The following NPHP4 variants were observed in gnomAD, a reference collection of about 807,000 sequenced individuals.
NPHP4 encodes nephrocystin-4.
NPHP4 carries 151 observed loss-of-function variants against 155.8 expected under a neutral mutation model. That is an observed-to-expected ratio of 0.97 (90% CI 0.85 to 1.11). NPHP4 has a LOEUF of 1.11. Ranked by LOEUF, NPHP4 falls within the 50% of genes least tolerant of loss-of-function variation. The pLI, the probability that NPHP4 is intolerant of heterozygous loss-of-function variation, is 0.00. For missense variants in NPHP4, 1,956 were observed against 1,925.7 expected (o/e 1.02, Z -0.29); for synonymous variants, 845 against 816.8 (o/e 1.03, Z -0.59).
At position 5,952,778 on chromosome 1, in the gene NPHP4, T is replaced by C. The variant is rs759419872; in HGVS notation, c.732A>G (p.Leu244=). The C allele has an allele frequency of 2.5e-6, 4 of 1,588,518 alleles. No homozygotes were observed. In the African/African-American group the frequency reaches 4.0e-5, roughly 16 times the overall value. The change falls in exon 7 of 30, where the codon TTA becomes TTG. Residue 244 remains leucine (L), a synonymous_variant. Transcript: ENST00000378156. The part of the protein sequence containing the change: ...QKPITGHLDD[L]FFTLYPSLEK... ...CCAGGGAGGGGTACAGGGTGAAGAA[T>C]AAGTCATCCAAGTGCCCCGTGATGG...
intron 4 of NPHP4, among the ~76,000 whole-genome samples, chr1:5,967,861 C>T (rs1254520023): frequency 2.6e-5 from 4 of 152,014 alleles, no homozygotes; most frequent in Non-Finnish European, 5.9e-5. Flanking sequence ...ACGACAGCCC[C>T]GCGACAGCAA....
At chr1:5,872,056 A>C (rs533192935) in intron 23 of NPHP4, among the ~76,000 whole-genome samples, 5 of 152,376 alleles carry the variant, frequency 3.3e-5, no homozygotes, top group African/African-American at 1.2e-4. Context: ...TTATCTGACT[A>C]GTGCACAGCC....
At chr1:5,881,280 G>A (rs1643262131) in intron 18 of NPHP4, 1 of 152,292 alleles carries the variant, frequency 6.6e-6, no homozygotes, top group Non-Finnish European at 1.5e-5. Flanking sequence ...CACCTGTGGA[G>A]GTGAGCCATA....
intron 5 of NPHP4, among the ~76,000 whole-genome samples, chr1:5,964,931 A>G (rs1422014525): frequency 4.2e-5 from 1 of 23,900 alleles, no homozygotes; most frequent in African/African-American, 3.6e-4. Context: ...ATATATATAT[A>G]TATATATATA....
At chr1:5,904,128 C>T (rs1181720938) in intron 16 of NPHP4, among the ~76,000 whole-genome samples, 1 of 152,134 alleles carries the variant, frequency 6.6e-6, no homozygotes, top group Non-Finnish European at 1.5e-5. Flanking sequence ...AAAAAAGAAA[C>T]AACAGAGACA....
chr1:5,873,744 C>T (rs746455401), intron 22 of NPHP4: 10 of 289,802 alleles, frequency 3.5e-5, no homozygotes, highest in East Asian at 1.2e-4. Context: ...GCCGGCCTCA[C>T]GCACCCGGGC....
chr1:5,901,632 C>G (rs115821668), intron 16 of NPHP4, among the ~76,000 whole-genome samples: 202 of 152,318 alleles, frequency 1.3e-3, no homozygotes, highest in African/African-American at 4.7e-3. Context: ...AAGTCAGGAG[C>G]ATCTCTAAGT....
Position 5,949,918 on chromosome 1 carries a change from G to A in NPHP4, c.811-1667C>T, listed in dbSNP as rs1260618518. On this transcript the variant is annotated intron_variant, in intron 7 of 29. Transcript: ENST00000378156. ...GGGAAACCGGCAAAGACCAAACCAC[G>A]TGCATCTTGGAGGACCAGGAGCCTA... Among the ~76,000 whole-genome samples, 11 of 152,140 alleles carry A rather than the reference G, an allele frequency of 7.2e-5. No homozygotes were observed. In the East Asian group the frequency reaches 1.2e-3, roughly 16 times the overall value.
intron 23 of NPHP4, among the ~76,000 whole-genome samples, chr1:5,872,482 A>T (rs985038571): frequency 1.3e-5 from 2 of 152,202 alleles, no homozygotes; most frequent in Non-Finnish European, 2.9e-5. Context: ...CTCAATAAAG[A>T]TCAGATACAT....
chr1:5,947,631 G>A (rs540872001), intron 8 of NPHP4, among the ~76,000 whole-genome samples: 71 of 152,202 alleles, frequency 4.7e-4, no homozygotes, highest in Non-Finnish European at 9.1e-4. Context: ...AGGACACCTG[G>A]CCTCTGCCTG....
At chr1:5,872,198 G>A (rs998782697) in intron 23 of NPHP4, among the ~76,000 whole-genome samples, 2 of 152,208 alleles carry the variant, frequency 1.3e-5, no homozygotes, top group East Asian at 1.9e-4. Flanking sequence ...GTCTTCCCAC[G>A]GAGGCCCTGG....
intron 21 of NPHP4, 71 bp downstream of exon 21, chr1:5,874,803 C>T (rs1359175478): frequency 1.9e-6 from 3 of 1,557,358 alleles, no homozygotes; most frequent in Non-Finnish European, 2.6e-6. Context: ...TTCGAGCCAG[C>T]TCAGCAGGGG....
rs1553158243 is a variant in NPHP4, at chr1:5,877,090, T to C, written c.2817+3A>G. On this transcript the variant is annotated splice_donor_region_variant and intron_variant, in intron 20 of 29. Transcript: ENST00000378156. ...GGACAGTGACAGCTGAACAAACCCT[T>C]ACCAACACGCTCGTCCCGCGCCGGC... 4 of 1,547,184 alleles carry C rather than the reference T, an allele frequency of 2.6e-6. No homozygotes were observed. The African/African-American group carries it at 5.4e-5, about 21-fold the overall frequency.
At position 5,908,647 on chromosome 1, in the gene NPHP4, C is replaced by T. The variant is rs565537047; in HGVS notation, c.1503+505G>A. Among the ~76,000 whole-genome samples the T allele has an allele frequency of 2.4e-4, 37 of 152,294 alleles. 1 individual carries two copies. The highest frequency in any genetic ancestry group is 2.1e-3 in the Admixed American group (32 of 15,306). On this transcript the variant is annotated intron_variant, in intron 12 of 29. Coordinates refer to ENST00000378156, the MANE Select transcript of NPHP4 (RefSeq NM_015102.5). ...TCTCCTCCCACTCAGGAAGTTCCAG[C>T]GCCACGGGGATCTGTGCGGTCGGAC...
At chr1:5,984,666 A>C (rs2102439091) in intron 2 of NPHP4, among the ~76,000 whole-genome samples, 1 of 152,386 alleles carries the variant, frequency 6.6e-6, no homozygotes, top group Non-Finnish European at 1.5e-5. Flanking sequence ...AACACACTGT[A>C]TCTAGGGTGA....
At chr1:5,976,339 A>G (rs1428836478) in intron 3 of NPHP4, among the ~76,000 whole-genome samples, 1 of 152,178 alleles carries the variant, frequency 6.6e-6, no homozygotes, top group Non-Finnish European at 1.5e-5. Context: ...ATGCCTGGCC[A>G]CGGGAAGCGC....
In NPHP4 at chr1:5,887,334, C is replaced by T. The variant is rs781705623; in HGVS notation, c.2437G>A (p.Val813Ile). Residue 813 changes from valine (V) to isoleucine (I), a missense_variant, in exon 18 of 30, where the codon GTC (valine) becomes ATC (isoleucine). Coordinates refer to ENST00000378156, the MANE Select transcript of NPHP4 (RefSeq NM_015102.5). ...AGCCGGCCCTTCACCACCGAGTGGA[C>T]GCCGATGGGCTTGACGCGGCCAAAC... ...LGFGRVKPIGVHSVVKGRLHL... is the reference protein window; with the variant it reads ...LGFGRVKPIGIHSVVKGRLHL... 3.0e-5 allele frequency: 49 copies of T among 1,613,450 alleles called. No individual in the cohort carries two copies. Among genetic ancestry groups the T allele is most frequent in the Admixed American group, 6.7e-5 (4 of 59,998 alleles).
Position 5,891,028 on chromosome 1 carries a change from C to A in NPHP4, c.2144G>T (p.Gly715Val), listed in dbSNP as rs1415175197. 3 of 1,535,850 alleles carry A rather than the reference C, an allele frequency of 2.0e-6. No individual in the cohort carries two copies. The South Asian group carries it at 3.7e-5, about 19-fold the overall frequency. ...GTACCTCAGCTGGAAGCCAGGAGACCCTGTCAAAGAGGCACCAAAGGAGGC... is the reference window on the plus strand; with the variant it reads ...GTACCTCAGCTGGAAGCCAGGAGACACTGTCAAAGAGGCACCAAAGGAGGC... ...PVSRDGTFDA[G>V]SPGFQLRYMV... is the part of the protein sequence containing the mutation. Residue 715 changes from glycine to valine, a missense_variant and splice_region_variant, in exon 17 of 30, where the codon GGG (glycine) becomes GTG (valine). Transcript: ENST00000378156.
In NPHP4 at chr1:5,867,823, A is replaced by G. The variant is rs752042066; in HGVS notation, c.3389T>C (p.Val1130Ala). ...CLTVELQPHV[V>A]DQVFRFYHPE... ...GTGATAGAAGCGGAAGACCTGGTCC[A>G]CCACGTGGGGCTGCAGCTCCACAGT... Residue 1130 changes from valine (V) to alanine (A), a missense_variant, in exon 24 of 30, where the codon GTG (valine) becomes GCG (alanine). By Grantham distance (64) the Val-to-Ala change is moderately conservative. Coordinates refer to ENST00000378156, the MANE Select transcript of NPHP4 (RefSeq NM_015102.5). This position sits in a 1 kb window ranked among gnomAD's most constrained non-coding sequence, Gnocchi z 4.1. 6.8e-6 allele frequency: 11 copies of G among 1,613,582 alleles called. No homozygotes were observed. The Admixed American group carries it at 1.8e-4, about 27-fold the overall frequency.
Sources: gnomAD v4.1 joint callset for allele counts (sites outside exome capture counted in the v4.1 genomes callset) on GRCh38, gnomAD v4.1.1 for gene constraint, Gnocchi (gnomAD v3.1) non-coding constraint, MANE v1.5 for transcripts, NCBI Gene and HGNC (gene_info 2026-07-23, HGNC 2026-07-21) for gene names.